GIPR: variants seen among roughly 807,000 people sequenced by gnomAD.
GIPR encodes gastric inhibitory polypeptide receptor, also known as GIP-R.
In GIPR, 74 loss-of-function variants were observed where a neutral mutation model predicts 62.2. The ratio of observed to expected loss-of-function variants is 1.19; its 90% CI spans 0.99 to 1.44. The LOEUF (loss-of-function observed/expected upper bound fraction) is 1.44, where lower values mean the gene tolerates loss of function less well. GIPR is among the 40% of genes most tolerant of loss of function. GIPR has a pLI of 0.00. For synonymous variants in GIPR, 256 were observed against 262.2 expected (o/e 0.98, Z 0.23); for missense variants, 664 against 611.8 (o/e 1.09, Z -0.90).
chr19:45,672,547 C>T, intron 4 of GIPR: 1 of 363,262 alleles, frequency 2.8e-6, no homozygotes, highest in East Asian at 7.0e-5. Context: ...CCTTGTGATC[C>T]ACCTGTCTTG....
At position 45,678,106 on chromosome 19, in the gene GIPR, G is replaced by A. The variant is rs759194770; in HGVS notation, c.1032G>A (p.Leu344=). 4 of 1,612,626 alleles carry A rather than the reference G, an allele frequency of 2.5e-6. No individual in the cohort carries two copies. Among genetic ancestry groups the A allele is most frequent in the Middle Eastern group, 1.7e-4 (1 of 5,914 alleles). Residue 344 remains leucine, a synonymous_variant, in exon 12 of 14, where the codon CTG becomes CTA. Coordinates refer to ENST00000590918, the MANE Select transcript of GIPR (RefSeq NM_000164.4). The stretch of plus-strand genomic sequence containing the variant: ...TCCCCAGGCTGGCTCGCTCCACGCT[G>A]ACGCTGGTGCCCCTGCTGGGTGTCC... The part of the protein sequence containing the change: ...DYRLRLARST[L]TLVPLLGVHE...
At chr19:45,678,536 T>A in intron 12 of GIPR, 6 of 425,248 alleles carry the variant, frequency 1.4e-5, no homozygotes, top group Non-Finnish European at 2.2e-5. Context: ...GCTAATTTTG[T>A]ATTTTTAGTA....
Position 45,670,666 on chromosome 19 carries a change from T to A in GIPR, c.104T>A (p.Leu35Gln). The A allele has an allele frequency of 6.2e-7, 1 of 1,613,410 alleles. No homozygotes were observed. The highest frequency in any genetic ancestry group is 8.5e-7 in the Non-Finnish European group (1 of 1,179,762). Residue 35 changes from leucine to glutamine, a missense_variant, in exon 3 of 14, where the codon CTG becomes CAG. By Grantham distance (113) the Leu-to-Gln change is moderately radical (BLOSUM62 -2). Coordinates refer to ENST00000590918, the MANE Select transcript of GIPR (RefSeq NM_000164.4). ...TGSKGQTAGE[L>Q]YQRWERYRRE... ...TCTAAGGGGCAGACGGCGGGGGAGC[T>A]GTACCAGCGCTGGGAACGGTACCGC...
chr19:45,677,985 A>C lies in GIPR; in HGVS notation c.1004A>C (p.Tyr335Ser). ...ACACGGCAAATGCGCTGCCGGGATTACCGGCTGAGGTGAGGGCATGCGTTG... is the reference window on the plus strand; with the variant it reads ...ACACGGCAAATGCGCTGCCGGGATTCCCGGCTGAGGTGAGGGCATGCGTTG... The part of the protein sequence containing the change: ...LRTRQMRCRD[Y>S]RLRLARSTLT... Residue 335 changes from tyrosine to serine, a missense_variant, in exon 11 of 14, where the codon TAC (tyrosine) becomes TCC (serine). Transcript: ENST00000590918. The C allele has an allele frequency of 6.2e-7, 1 of 1,613,760 alleles. No individual in the cohort carries two copies.
rs1228008807 is a variant in GIPR, at chr19:45,681,827, G to A, written c.1293G>A (p.Leu431=). Residue 431 remains leucine (L), a synonymous_variant, in exon 14 of 14, where the codon CTG becomes CTA. Coordinates refer to ENST00000590918, the MANE Select transcript of GIPR (RefSeq NM_000164.4). The stretch of plus-strand genomic sequence containing the variant: ...TCCCGGAGCGCGCCTTCCGGGCCCT[G>A]CCCTCCGGCTCCGGCCCGGGCGAGG... ...RQLPERAFRA[L]PSGSGPGEVP... is the part of the protein sequence containing the mutation. 4 of 1,558,286 alleles carry A rather than the reference G, an allele frequency of 2.6e-6. No individual in the cohort carries two copies. Among genetic ancestry groups the A allele is most frequent in the African/African-American group, 1.4e-5 (1 of 73,660 alleles).
intron 12 of GIPR, among the ~76,000 whole-genome samples, chr19:45,679,094 T>G (rs988102786): frequency 6.6e-6 from 1 of 152,114 alleles, no homozygotes; most frequent in African/African-American, 2.4e-5. Context: ...GTGTATATGC[T>G]AAGCACTCCT....
At chr19:45,681,701 G>A in intron 13 of GIPR, 28 bp from the exon 14 acceptor site, 3 of 1,611,148 alleles carry the variant, frequency 1.9e-6, no homozygotes, top group Non-Finnish European at 1.7e-6. Flanking sequence ...GGGGTACGGC[G>A]CCGCCTCTGA....
rs539980642 is a variant in GIPR, at chr19:45,678,339, G to C, written c.1152+113G>C. The C allele has an allele frequency of 2.8e-5, 33 of 1,183,982 alleles. No homozygotes were observed. The African/African-American group carries it at 4.5e-4, about 16-fold the overall frequency. The allele number at this position is 1,183,982 out of a possible 1,614,324, so 73.3% of individuals were successfully genotyped here. A position where few individuals can be genotyped will look rare whatever the true frequency, so the allele number is the denominator to read the frequency against. ...AGCCACTGAATGGGGTGGGAAGATG[G>C]GATTTAGTTCGTTCATTAATTAATT... On this transcript the variant is annotated intron_variant, in intron 12 of 13. Transcript: ENST00000590918.
At chr19:45,673,297 GTA>G (rs1975641772) in intron 5 of GIPR, among the ~76,000 whole-genome samples, 4 of 151,628 alleles carry the variant, frequency 2.6e-5, no homozygotes, top group African/African-American at 9.7e-5. Context: ...GTATGCACCT[GTA>G]GTCCCAGCTA....
chr19:45,668,238 GT>G lies in GIPR; in HGVS notation c.-103del, dbSNP rs34125392. On this transcript the variant is annotated 5_prime_UTR_variant, in exon 1 of 14. Coordinates refer to ENST00000590918, the MANE Select transcript of GIPR (RefSeq NM_000164.4). ...CCTCTCCCAGAGCCGAGACAAGGCA[GT>G]TGGAGGCAGCGGTGGCAGGGGCTGC... 0.74 allele frequency: 112,110 copies of G among 151,890 alleles called. 41,499 individuals carry two copies. Among genetic ancestry groups the G allele is most frequent in the Admixed American group, 0.81 (12,361 of 15,196 alleles). 9.4% of individuals were successfully genotyped at this position (151,890 alleles called of 1,614,324 possible).
At chr19:45,681,186 C>G (rs1600319615) in intron 12 of GIPR, among the ~76,000 whole-genome samples, 1 of 151,948 alleles carries the variant, frequency 6.6e-6, no homozygotes, top group South Asian at 2.1e-4. Context: ...GGCAAGGGCG[C>G]GAGCTTATTA....
At chr19:45,672,793 C>A in intron 4 of GIPR, 58 bp from the exon 5 acceptor site, 2 of 1,012,504 alleles carry the variant, frequency 2.0e-6, no homozygotes, top group South Asian at 1.3e-5. Context: ...CACAGTTTGT[C>A]TTTCTGTATT....
At chr19:45,680,425 G>C (rs536444298) in intron 12 of GIPR, among the ~76,000 whole-genome samples, 1 of 152,042 alleles carries the variant, frequency 6.6e-6, no homozygotes, top group Non-Finnish European at 1.5e-5. Flanking sequence ...CACTCTGGAG[G>C]CTGAAGTGGG....
At chr19:45,670,537 C>A in intron 2 of GIPR, 98 bp from the exon 3 acceptor site, 1 of 772,870 alleles carries the variant, frequency 1.3e-6, no homozygotes, top group Non-Finnish European at 2.2e-6. Context: ...ACGCAACAGA[C>A]CCTCAAAGTC....
Position 45,678,234 on chromosome 19 carries a change from G to A in GIPR, c.1152+8G>A. 1 of 1,554,810 alleles carries A rather than the reference G, an allele frequency of 6.4e-7. No homozygotes were observed. The highest frequency in any genetic ancestry group is 8.7e-7 in the Non-Finnish European group (1 of 1,150,722). On this transcript the variant is annotated splice_region_variant and intron_variant, in intron 12 of 13. Transcript: ENST00000590918. The stretch of plus-strand genomic sequence containing the variant: ...TTCCTCAGCTCCTTCCAGGTGCTCA[G>A]GCAGGGTGCAGGGGCTCCATCCTTC...
chr19:45,679,716 C>T (rs900151526), intron 12 of GIPR, among the ~76,000 whole-genome samples: 7 of 152,070 alleles, frequency 4.6e-5, no homozygotes, highest in African/African-American at 1.4e-4. Flanking sequence ...AAGCAATCCT[C>T]CTGCTTCAGC....
chr19:45,680,111 G>A (rs567120769), intron 12 of GIPR, among the ~76,000 whole-genome samples: 23 of 152,250 alleles, frequency 1.5e-4, no homozygotes, highest in African/African-American at 5.5e-4. Flanking sequence ...TAGCTGCCGG[G>A]CGCGGTGCCT....
intron 12 of GIPR, 71 bp downstream of exon 12, chr19:45,678,297 C>CTGA: frequency 6.7e-7 from 1 of 1,494,750 alleles, no homozygotes. Flanking sequence ...ACGAAAGCTA[C>CTGA]AGTCGTTCTC....
chr19:45,669,339 A>G (rs1975416051), intron 1 of GIPR, 138 bp from the exon 2 acceptor site: 1 of 776,536 alleles, frequency 1.3e-6, no homozygotes, highest in Non-Finnish European at 2.1e-6. Flanking sequence ...GAGTTGCGGG[A>G]GCGGGTGCGC....
Sources: gnomAD v4.1 joint callset for allele counts (sites outside exome capture counted in the v4.1 genomes callset) on GRCh38, gnomAD v4.1.1 for gene constraint, MANE v1.5 for transcripts, NCBI Gene and HGNC (gene_info 2026-07-23, HGNC 2026-07-21) for gene names.